Variants in PTPRN2 observed in about 807,000 individuals in gnomAD.
PTPRN2 encodes receptor-type tyrosine-protein phosphatase N2.
Under a neutral mutation model 118.8 loss-of-function variants are expected in PTPRN2, and 74 were observed. The observed-to-expected ratio is 0.62, with a 90% CI of 0.52 to 0.76. The LOEUF is 0.76. PTPRN2 is among the 30% of genes least tolerant of loss of function. PTPRN2 has a pLI of 0.00. For synonymous variants in PTPRN2, 641 were observed against 608.0 expected, an observed-to-expected ratio of 1.05 and a Z score of -0.80; for missense variants, 1,481 against 1,394.4, an observed-to-expected ratio of 1.06 and a Z score of -0.99.
rs191347229 is a variant in PTPRN2, at chr7:157,555,137, G to A, written c.2903-6118C>T. Among the ~76,000 whole-genome samples, 146 of 152,356 alleles carry A rather than the reference G, an allele frequency of 9.6e-4. 4 individuals are homozygous for A. The East Asian group carries it at 0.019, about 20-fold the overall frequency. On this transcript the variant is annotated intron_variant, in intron 21 of 22. Transcript: ENST00000389418. ...GGCTCTGCGTGCTCCGCTGGCACCCGAATGGCCACTGGGTACCATCCCGTG... is the reference window on the plus strand; with the variant it reads ...GGCTCTGCGTGCTCCGCTGGCACCCAAATGGCCACTGGGTACCATCCCGTG...
At chr7:157,945,630 A>G (rs1800431624) in intron 11 of PTPRN2, among the ~76,000 whole-genome samples, 1 of 151,776 alleles carries the variant, frequency 6.6e-6, no homozygotes, top group African/African-American at 2.4e-5. Flanking sequence ...TCCAGCTTGG[A>G]CGATGCCGCC....
At chr7:157,812,185 C>T (rs778566948) in intron 12 of PTPRN2, among the ~76,000 whole-genome samples, 1 of 152,180 alleles carries the variant, frequency 6.6e-6, no homozygotes, top group Non-Finnish European at 1.5e-5. Context: ...ACCCCAACAT[C>T]GCAGCCCCTT....
At chr7:158,108,877 G>T (rs958728532) in intron 10 of PTPRN2, among the ~76,000 whole-genome samples, 1 of 152,276 alleles carries the variant, frequency 6.6e-6, no homozygotes, top group Non-Finnish European at 1.5e-5. Flanking sequence ...GTGAGCATCT[G>T]CTGTGAGGAG....
At chr7:157,639,545 C>T (rs1048847301) in intron 14 of PTPRN2, among the ~76,000 whole-genome samples, 7 of 152,238 alleles carry the variant, frequency 4.6e-5, no homozygotes, top group Admixed American at 6.5e-5. Flanking sequence ...GTCAGCCTTT[C>T]ACAGAATTAA....
chr7:158,085,424 ATCCACACCCACGACG>A (rs1813271657), intron 10 of PTPRN2, among the ~76,000 whole-genome samples: 1 of 71,462 alleles, frequency 1.4e-5, no homozygotes, highest in African/African-American at 5.1e-5. Flanking sequence ...CATGACGCCC[ATCCACACCCACGACG>A]CCCATCCACA....
chr7:158,325,852 T>C (rs765747748), intron 2 of PTPRN2, among the ~76,000 whole-genome samples: 2 of 152,248 alleles, frequency 1.3e-5, no homozygotes, highest in African/African-American at 4.8e-5. Flanking sequence ...TGCAGAATAC[T>C]GTCTACAGTA....
intron 11 of PTPRN2, among the ~76,000 whole-genome samples, chr7:158,011,340 T>C (rs376842620): frequency 6.6e-6 from 1 of 152,254 alleles, no homozygotes; most frequent in Admixed American, 6.5e-5. Context: ...CTCTTCTCTA[T>C]CATCTTTGTT....
At chr7:157,689,399 G>A (rs550414210) in intron 12 of PTPRN2, among the ~76,000 whole-genome samples, 3 of 152,348 alleles carry the variant, frequency 2.0e-5, no homozygotes, top group Admixed American at 6.5e-5. Flanking sequence ...CGCTGTCCGA[G>A]GACGGAGGTC....
chr7:158,228,278 C>T (rs1010052792), intron 3 of PTPRN2, among the ~76,000 whole-genome samples: 2 of 152,164 alleles, frequency 1.3e-5, no homozygotes, highest in African/African-American at 2.4e-5. Context: ...GCCACATCCT[C>T]ATGCATCTGC....
chr7:158,002,957 G>A (rs1465806679), intron 11 of PTPRN2, among the ~76,000 whole-genome samples: 5 of 152,298 alleles, frequency 3.3e-5, no homozygotes, highest in African/African-American at 1.2e-4. Context: ...GGCAGCACAA[G>A]TGGGGGTCTG....
intron 2 of PTPRN2, among the ~76,000 whole-genome samples, chr7:158,331,263 C>A (rs1804373275): frequency 1.3e-5 from 2 of 149,614 alleles, no homozygotes; most frequent in African/African-American, 4.9e-5. Flanking sequence ...ACACTCTCAC[C>A]ATAAGAGCTG....
rs900480714 is a variant in PTPRN2, at chr7:157,627,652, A to T, written c.2197-6143T>A. ...GGAATTTTACTTAAGCTGTTTCTAG[A>T]TAAGCCCTGAGTGAAAAGGTGTCTC... On this transcript the variant is annotated intron_variant, in intron 14 of 22. Transcript: ENST00000389418. This position sits in a 1 kb window ranked among gnomAD's most constrained non-coding sequence, Gnocchi z 4.2. 6.6e-6 allele frequency among the ~76,000 whole-genome samples: 1 copy of T among 152,172 alleles called. No homozygotes were observed. The highest frequency in any genetic ancestry group is 2.4e-5 in the African/African-American group (1 of 41,432).
chr7:157,933,478 G>T (rs2128782538), intron 11 of PTPRN2, among the ~76,000 whole-genome samples: 1 of 149,514 alleles, frequency 6.7e-6, no homozygotes, highest in Non-Finnish European at 1.5e-5. Flanking sequence ...GACAGTTTTA[G>T]AGGAGGGGTG....
intron 12 of PTPRN2, among the ~76,000 whole-genome samples, chr7:157,836,530 A>G (rs1020217104): frequency 6.6e-6 from 1 of 152,218 alleles, no homozygotes; most frequent in African/African-American, 2.4e-5. Context: ...GCAGAACCAC[A>G]TAAAGACCAA....
chr7:157,901,631 T>G (rs1478793311), intron 11 of PTPRN2, among the ~76,000 whole-genome samples: 1 of 152,210 alleles, frequency 6.6e-6, no homozygotes, highest in Middle Eastern at 3.2e-3. Context: ...CCTGAGAAAG[T>G]AAAATTAGTT....
At chr7:157,571,288 A>G (rs1251693187) in intron 20 of PTPRN2, 152 bp downstream of exon 20, 1 of 590,526 alleles carries the variant, frequency 1.7e-6, no homozygotes, top group Non-Finnish European at 2.9e-6. Context: ...CCCAAATGGC[A>G]TAGAAAAGTA....
chr7:158,155,155 G>A (rs1300477351), intron 6 of PTPRN2, among the ~76,000 whole-genome samples: 1 of 152,188 alleles, frequency 6.6e-6, no homozygotes, highest in African/African-American at 2.4e-5. Context: ...TATTAAATGT[G>A]TAAAGCCTGG....
In PTPRN2 at chr7:157,845,422, C is replaced by T. The variant is rs1335699488; in HGVS notation, c.1788+53251G>A. Among the ~76,000 whole-genome samples, 1 of 151,886 alleles carries T rather than the reference C, an allele frequency of 6.6e-6. No individual in the cohort carries two copies. Among genetic ancestry groups the T allele is most frequent in the African/African-American group, 2.4e-5 (1 of 41,292 alleles). ...CTAACTCACCAGGTTACTGGCCTAA[C>T]TCACCATGTTCCCGGCCATACCCCA... On this transcript the variant is annotated intron_variant, in intron 12 of 22. Coordinates refer to ENST00000389418, the MANE Select transcript of PTPRN2 (RefSeq NM_002847.5). The surrounding 1 kb of genome is among the most constrained non-coding windows in gnomAD (Gnocchi z 4.5).
chr7:158,504,872 C>T (rs900037108), intron 1 of PTPRN2, among the ~76,000 whole-genome samples: 1 of 152,172 alleles, frequency 6.6e-6, no homozygotes, highest in Non-Finnish European at 1.5e-5. Flanking sequence ...TTGGAGAGAT[C>T]TCTGATTTTT....
Sources: allele counts gnomAD v4.1 joint callset (sites outside exome capture counted in the v4.1 genomes callset), GRCh38; gene constraint gnomAD v4.1.1; non-coding constraint Gnocchi (gnomAD v3.1); transcripts MANE v1.5; gene names NCBI Gene and HGNC (gene_info 2026-07-23, HGNC 2026-07-21).